Variants in CPNE4 observed in about 807,000 individuals in gnomAD.
CPNE4 encodes the protein copine-4.
A neutral mutation model predicts 67.9 loss-of-function variants in CPNE4; 25 were observed. The ratio of observed to expected loss-of-function variants is 0.37; its 90% CI spans 0.27 to 0.51. The LOEUF (loss-of-function observed/expected upper bound fraction) is 0.51, where lower values mean the gene tolerates loss of function less well. Among genes scored for constraint, CPNE4 ranks in the 20% least tolerant of loss-of-function variants. The probability of loss-of-function intolerance (pLI) is 0.93; values close to 1 mark genes in which losing one functional copy is unlikely to be tolerated. For synonymous variants in CPNE4, 242 were observed against 244.9 expected (o/e 0.99, Z 0.11); for missense variants, 464 against 690.8 (o/e 0.67, Z 3.68).
chr3:131,587,079 G>A (rs1938227680), intron 8 of CPNE4, among the ~76,000 whole-genome samples: 1 of 152,118 alleles, frequency 6.6e-6, no homozygotes, highest in African/African-American at 2.4e-5. Context: ...TATGTGCTAG[G>A]CGCTCTGCTA....
intron 7 of CPNE4, among the ~76,000 whole-genome samples, chr3:131,612,410 T>G (rs762766622): frequency 2.0e-5 from 3 of 152,178 alleles, no homozygotes; most frequent in Non-Finnish European, 4.4e-5. Flanking sequence ...GTGTGAATAT[T>G]GAAGCTACTA....
intron 10 of CPNE4, among the ~76,000 whole-genome samples, chr3:131,571,042 T>TAAC (rs1937310879): frequency 1.3e-5 from 2 of 152,072 alleles, no homozygotes; most frequent in South Asian, 4.1e-4. Context: ...GTTTACACTC[T>TAAC]AACTCCTGGG....
At chr3:131,978,541 AATAT>A (rs34062654) in intron 1 of CPNE4, among the ~76,000 whole-genome samples, 4 of 71,096 alleles carry the variant, frequency 5.6e-5, no homozygotes, top group African/African-American at 2.0e-4. Flanking sequence ...AATATATATA[AATAT>A]ATATATATAT....
At chr3:131,695,275 A>G (rs1392004037) in intron 5 of CPNE4, among the ~76,000 whole-genome samples, 1 of 152,212 alleles carries the variant, frequency 6.6e-6, no homozygotes, top group Non-Finnish European at 1.5e-5. Context: ...GTCCTGGACA[A>G]TCAGTACAGC....
intron 1 of CPNE4, among the ~76,000 whole-genome samples, chr3:131,929,361 A>C (rs918086571): frequency 1.3e-5 from 2 of 152,174 alleles, no homozygotes; most frequent in Non-Finnish European, 2.9e-5. Flanking sequence ...TCCCAGGTAA[A>C]GACCAGGATT....
At chr3:131,980,943 T>C (rs4854865) in intron 1 of CPNE4, among the ~76,000 whole-genome samples, 61,581 of 151,980 alleles carry the variant, frequency 0.41, 13,440 homozygotes, top group African/African-American at 0.57. Context: ...TGAGCCAAAC[T>C]GCAGTGATTG....
chr3:131,741,316 T>C (rs1308030372), intron 2 of CPNE4, among the ~76,000 whole-genome samples: 2 of 152,272 alleles, frequency 1.3e-5, no homozygotes, highest in East Asian at 3.9e-4. Flanking sequence ...AAGATAGGTA[T>C]ACCAGTGTGA....
At chr3:131,892,848 A>G (rs1256522037) in intron 2 of CPNE4, among the ~76,000 whole-genome samples, 2 of 152,044 alleles carry the variant, frequency 1.3e-5, no homozygotes, top group Non-Finnish European at 2.9e-5. Context: ...TGAGAAAGAG[A>G]ATGGAAATAT....
intron 2 of CPNE4, among the ~76,000 whole-genome samples, chr3:131,885,097 T>C (rs1417466442): frequency 6.6e-6 from 1 of 152,224 alleles, no homozygotes; most frequent in Non-Finnish European, 1.5e-5. Context: ...GTGGGAAAGT[T>C]TAGAACTTTC....
At chr3:131,888,830 G>A (rs2107736256) in intron 2 of CPNE4, among the ~76,000 whole-genome samples, 1 of 152,152 alleles carries the variant, frequency 6.6e-6, no homozygotes, top group South Asian at 2.1e-4. Context: ...CAATCAAAGT[G>A]CTTAGTAAGA....
rs1201964107 is a variant in CPNE4 at position 131,548,050 on chromosome 3, A to G, written c.1302+1897T>C. ...TGAAGATGATAATGAGATGTATGGAAGGGCCAGTGGACTGAACCAAAGACA... is the reference window on the plus strand; with the variant it reads ...TGAAGATGATAATGAGATGTATGGAGGGGCCAGTGGACTGAACCAAAGACA... On this transcript the variant is annotated intron_variant, in intron 14 of 15. Coordinates refer to ENST00000429747, the MANE Select transcript of CPNE4 (RefSeq NM_130808.3). Among the ~76,000 whole-genome samples the G allele has an allele frequency of 5.3e-5, 8 of 152,300 alleles. No individual in the cohort carries two copies. In the East Asian group the frequency reaches 1.5e-3, roughly 29 times the overall value.
At chr3:131,806,143 A>G (rs2084299874) in intron 2 of CPNE4, among the ~76,000 whole-genome samples, 1 of 152,260 alleles carries the variant, frequency 6.6e-6, no homozygotes, top group South Asian at 2.1e-4. Context: ...TCCTAAAAGT[A>G]TCTGGGAAGT....
chr3:132,000,699 T>C (rs2073410304), intron 1 of CPNE4, among the ~76,000 whole-genome samples: 3 of 151,684 alleles, frequency 2.0e-5, no homozygotes, highest in South Asian at 2.1e-4. Flanking sequence ...GAGAAAAGCA[T>C]TGCAGGCAGA....
At chr3:131,654,258 A>C (rs1487695776) in intron 7 of CPNE4, among the ~76,000 whole-genome samples, 1 of 151,582 alleles carries the variant, frequency 6.6e-6, no homozygotes, top group African/African-American at 2.4e-5. Context: ...TGTTTTTTTT[A>C]ATCTTTTATT....
At chr3:131,750,767 C>T (rs1420260322) in intron 2 of CPNE4, among the ~76,000 whole-genome samples, 5 of 151,992 alleles carry the variant, frequency 3.3e-5, no homozygotes, top group Admixed American at 2.0e-4. Context: ...TTTGATGCTC[C>T]GATGTTCTTT....
intron 7 of CPNE4, among the ~76,000 whole-genome samples, chr3:131,597,377 G>A (rs1938943642): frequency 6.6e-6 from 1 of 152,100 alleles, no homozygotes; most frequent in African/African-American, 2.4e-5. Context: ...GGGTTGATGG[G>A]TGCAGCAAAC....
At position 131,717,241 on chromosome 3, in the gene CPNE4, T is replaced by TG. The variant is rs559920400; in HGVS notation, c.360+6204_360+6205insC. Among the ~76,000 whole-genome samples the TG allele has an allele frequency of 6.1e-3, 743 of 121,546 alleles. 8 individuals are homozygous for TG. Among genetic ancestry groups the TG allele is most frequent in the African/African-American group, 0.022 (680 of 30,234 alleles). 79.7% of individuals were successfully genotyped at this position (121,546 alleles called of 152,430 possible). On this transcript the variant is annotated intron_variant, in intron 3 of 15. Coordinates refer to ENST00000429747, the MANE Select transcript of CPNE4 (RefSeq NM_130808.3). ...CATGTAAAAAACACTCAACAAAGGT[T>TG]TTTTTTTTTTTTCTTAAAGACAACA...
chr3:131,854,475 G>A (rs184019330), intron 2 of CPNE4, among the ~76,000 whole-genome samples: 73 of 151,928 alleles, frequency 4.8e-4, no homozygotes, highest in African/African-American at 1.7e-3. Flanking sequence ...AAATGACTAT[G>A]CATTGAACAT....
At chr3:131,858,099 C>T (rs1019234778) in intron 2 of CPNE4, among the ~76,000 whole-genome samples, 1 of 151,980 alleles carries the variant, frequency 6.6e-6, no homozygotes, top group Admixed American at 6.6e-5. Context: ...TTAATTTACA[C>T]AATTATATCT....
Sources: gnomAD v4.1 joint callset for allele counts (sites outside exome capture counted in the v4.1 genomes callset) on GRCh38, gnomAD v4.1.1 for gene constraint, MANE v1.5 for transcripts, NCBI Gene and HGNC (gene_info 2026-07-23, HGNC 2026-07-21) for gene names.